ZNF514: variants seen among roughly 807,000 people sequenced by gnomAD.
ZNF514 encodes the protein zinc finger protein 514.
ZNF514 carries 12 observed loss-of-function variants against 9.7 expected under a neutral mutation model. The observed-to-expected ratio is 1.24, with a 90% confidence interval of 0.79 to 2.01. ZNF514 has a LOEUF of 2.01. Among genes scored for constraint, ZNF514 ranks in the 30% most tolerant of loss-of-function variants. The pLI, the probability that ZNF514 is intolerant of heterozygous loss-of-function variation, is 0.00. For synonymous variants in ZNF514, 158 were observed against 163.7 expected, an observed-to-expected ratio of 0.97 and a Z score of 0.27; for missense variants, 467 against 465.5, an observed-to-expected ratio of 1.00 and a Z score of -0.03.
intron 4 of ZNF514, 51 bp from the exon 5 acceptor site, chr2:95,150,318 C>A (rs759480021): frequency 1.1e-5 from 17 of 1,482,054 alleles, no homozygotes; most frequent in Non-Finnish European, 1.4e-5. Flanking sequence ...GTAGAATGTC[C>A]TATGTAGCAA....
rs1673436109 is a variant in ZNF514, at chr2:95,148,852, AAG to A, written c.*428_*429del. The A allele has an allele frequency of 6.2e-6, 1 of 161,630 alleles. No homozygotes were observed. The highest frequency in any genetic ancestry group is 2.4e-5 in the African/African-American group (1 of 41,618). 10.0% of individuals were successfully genotyped at this position (161,630 alleles called of 1,614,324 possible). A position where few individuals can be genotyped will look rare whatever the true frequency, so the allele number is the denominator to read the frequency against. On this transcript the variant is annotated 3_prime_UTR_variant, in exon 5 of 5. Coordinates refer to ENST00000295208, the MANE Select transcript of ZNF514 (RefSeq NM_032788.3). ...ATGTGTTCTTGATGCTTAGTAAAGGAAGAGATACAACTGAAGATTTTTCCATA... is the reference window on the plus strand; with the variant it reads ...ATGTGTTCTTGATGCTTAGTAAAGGAAGATACAACTGAAGATTTTTCCATA...
At chr2:95,125,295 T>A in the ZNF514 span, among the ~76,000 whole-genome samples, 2 of 149,320 alleles carry the variant, frequency 1.3e-5, no homozygotes, top group Admixed American at 6.7e-5. Flanking sequence ...GGCTGGAGTA[T>A]AGTGGCATGA....
At chr2:95,126,392 A>AAGAAAG in the ZNF514 span, among the ~76,000 whole-genome samples, 1 of 84,446 alleles carries the variant, frequency 1.2e-5, no homozygotes, top group African/African-American at 5.6e-5. Flanking sequence ...AAAAAAAAAA[A>AAGAAAG]AAAGAAAGAA....
chr2:95,125,361 C>T, the ZNF514 span, among the ~76,000 whole-genome samples: 3 of 152,022 alleles, frequency 2.0e-5, no homozygotes, highest in Admixed American at 2.0e-4. Context: ...CTGCCTCAGC[C>T]TCCTGAGTAG....
Position 95,150,010 on chromosome 2 carries a change from T to G in ZNF514, c.475A>C (p.Ser159Arg), listed in dbSNP as rs897916208. 2 of 1,614,232 alleles carry G rather than the reference T, an allele frequency of 1.2e-6. No individual in the cohort carries two copies. Among genetic ancestry groups the G allele is most frequent in the Non-Finnish European group, 1.7e-6 (2 of 1,180,040 alleles). ...ACAAGGACTGATCTTAAACCTAAGC[T>G]TCTCCCAAATCCATTCCATTTATAA... The part of the protein sequence containing the change: ...RDYKWNGFGR[S>R]LGLRSVLVNQ... The change falls in exon 5 of 5, where the codon AGC (serine) becomes CGC (arginine). Residue 159 changes from serine (S) to arginine (R), a missense_variant. Transcript: ENST00000295208.
Position 95,150,106 on chromosome 2 carries a change from G to T in ZNF514, c.379C>A (p.Gln127Lys), listed in dbSNP as rs1460174330. 4 of 1,612,548 alleles carry T rather than the reference G, an allele frequency of 2.5e-6. No individual in the cohort carries two copies. The South Asian group carries it at 4.4e-5, about 18-fold the overall frequency. The change falls in exon 5 of 5, where the codon CAG (glutamine) becomes AAG (lysine). Residue 127 changes from glutamine to lysine, a missense_variant. Physicochemically the swap from Gln to Lys is moderately conservative, Grantham distance 53 (BLOSUM62 1). Coordinates refer to ENST00000295208, the MANE Select transcript of ZNF514 (RefSeq NM_032788.3). ...TTCAGGTGTCTCTCCTGTTTTATCT[G>T]CTGCATCTCTAACTGGCCATCACAA... ...CGCDGQLEMQ[Q>K]IKQERHLKQM... is the part of the protein sequence containing the mutation.
chr2:95,157,119 C>T (rs1573382742), intron 2 of ZNF514, among the ~76,000 whole-genome samples: 1 of 152,110 alleles, frequency 6.6e-6, no homozygotes, highest in Non-Finnish European at 1.5e-5. Flanking sequence ...CACCACAGTG[C>T]CCTTTCTAGA....
chr2:95,128,321 T>C, the ZNF514 span, among the ~76,000 whole-genome samples: 3 of 141,652 alleles, frequency 2.1e-5, no homozygotes, highest in Non-Finnish European at 4.5e-5. Flanking sequence ...ACCTGGGAGG[T>C]GAAGGTTGCA....
intron 1 of ZNF514, 91 bp downstream of exon 1, chr2:95,159,149 C>G: frequency 1.6e-6 from 1 of 627,380 alleles, no homozygotes; most frequent in Non-Finnish European, 2.2e-6. Flanking sequence ...ACCTGCAGGG[C>G]CCAGAGCAGG....
At chr2:95,124,026 G>A in the ZNF514 span, among the ~76,000 whole-genome samples, 61 of 152,170 alleles carry the variant, frequency 4.0e-4, no homozygotes, top group Admixed American at 1.2e-3. Context: ...AGCTGACATC[G>A]GTACAATCCA....
At chr2:95,126,208 T>A in the ZNF514 span, among the ~76,000 whole-genome samples, 4 of 151,412 alleles carry the variant, frequency 2.6e-5, no homozygotes, top group African/African-American at 7.3e-5. Context: ...CCATCTCTAC[T>A]AAAAATACAA....
chr2:95,152,677 A>G lies in ZNF514; in HGVS notation c.214T>C (p.Ser72Pro), dbSNP rs774270492. ...VEREISTGAHSDWKRRSKSKE... is the reference protein window; with the variant it reads ...VEREISTGAHPDWKRRSKSKE... Reference sequence around the variant, plus strand: ...ATGCTTTCACTCACTCACTCACCTGAGTGGGCTCCTGTTGAGATTTCTCTC... The same window carrying G: ...ATGCTTTCACTCACTCACTCACCTGGGTGGGCTCCTGTTGAGATTTCTCTC... Residue 72 changes from serine to proline, a missense_variant, in exon 4 of 5, where the codon TCA becomes CCA. Physicochemically the swap from Ser to Pro is moderately conservative, Grantham distance 74 (BLOSUM62 -1). Coordinates refer to ENST00000295208, the MANE Select transcript of ZNF514 (RefSeq NM_032788.3). 1 of 1,613,922 alleles carries G rather than the reference A, an allele frequency of 6.2e-7. No individual in the cohort carries two copies. Among genetic ancestry groups the G allele is most frequent in the South Asian group, 1.1e-5 (1 of 91,068 alleles).
rs768568722 is a variant in ZNF514, at chr2:95,152,675, T to A, written c.216A>T (p.Ser72=). 4 of 1,613,920 alleles carry A rather than the reference T, an allele frequency of 2.5e-6. No homozygotes were observed. In the South Asian group the frequency reaches 4.4e-5, roughly 18 times the overall value. Residue 72 remains serine (S), a splice_region_variant and synonymous_variant, in exon 4 of 5, where the codon TCA becomes TCT. Transcript: ENST00000295208. ...VEREISTGAH[S]DWKRRSKSKE... is the part of the protein sequence containing the mutation. Reference sequence around the variant, plus strand: ...CAATGCTTTCACTCACTCACTCACCTGAGTGGGCTCCTGTTGAGATTTCTC... The same window carrying A: ...CAATGCTTTCACTCACTCACTCACCAGAGTGGGCTCCTGTTGAGATTTCTC...
the ZNF514 span, among the ~76,000 whole-genome samples, chr2:95,126,262 T>C: frequency 6.7e-6 from 1 of 149,316 alleles, no homozygotes; most frequent in African/African-American, 2.5e-5. Flanking sequence ...TCCCAGCTAC[T>C]CAGGAGGCTG....
the ZNF514 span, among the ~76,000 whole-genome samples, chr2:95,135,646 C>T: frequency 6.6e-6 from 1 of 151,858 alleles, no homozygotes; most frequent in Non-Finnish European, 1.5e-5. Context: ...GGTCTTGAAT[C>T]CCTGGGCTTA....
Position 95,148,633 on chromosome 2 carries a change from A to C in ZNF514, c.*649T>G, listed in dbSNP as rs1673430596. On this transcript the variant is annotated 3_prime_UTR_variant, in exon 5 of 5. Transcript: ENST00000295208. ...CACCAAAGCCCTTCCCACATTCATC[A>C]CGTCACCAGAGTTTCCAGCTAGTAG... 1 of 152,152 alleles carries C rather than the reference A, an allele frequency of 6.6e-6. No individual in the cohort carries two copies. 9.4% of individuals were successfully genotyped at this position (152,152 alleles called of 1,614,324 possible).
At position 95,152,658 on chromosome 2, in the gene ZNF514, T is replaced by C. The variant is rs1673574572; in HGVS notation, c.217+16A>G. The C allele has an allele frequency of 6.2e-7, 1 of 1,601,410 alleles. No individual in the cohort carries two copies. Among genetic ancestry groups the C allele is most frequent in the Admixed American group, 1.7e-5 (1 of 59,952 alleles). ...CTGGGCCTTATCATATGCAATGCTT[T>C]CACTCACTCACTCACCTGAGTGGGC... On this transcript the variant is annotated intron_variant, in intron 4 of 4. Transcript: ENST00000295208.
Position 95,152,706 on chromosome 2 carries a change from A to G in ZNF514, c.185T>C (p.Val62Ala). The G allele has an allele frequency of 1.9e-6, 3 of 1,614,112 alleles. No homozygotes were observed. Among genetic ancestry groups the G allele is most frequent in the Non-Finnish European group, 2.5e-6 (3 of 1,180,002 alleles). ...GGCTCCTGTTGAGATTTCTCTCTCCACCATGAAGGGCTCACCCCCTTCCTC... is the reference window on the plus strand; with the variant it reads ...GGCTCCTGTTGAGATTTCTCTCTCCGCCATGAAGGGCTCACCCCCTTCCTC... ...QLEEGGEPFM[V>A]EREISTGAHS... is the part of the protein sequence containing the mutation. Residue 62 changes from valine (V) to alanine (A), a missense_variant, in exon 4 of 5, where the codon GTG becomes GCG. By Grantham distance (64) the Val-to-Ala change is moderately conservative. Transcript: ENST00000295208.
At chr2:95,134,819 G>A in the ZNF514 span, among the ~76,000 whole-genome samples, 2 of 152,130 alleles carry the variant, frequency 1.3e-5, no homozygotes, top group African/African-American at 4.8e-5. Context: ...GGCTGTACAG[G>A]TGTCCCAGCA....
Sources: allele counts gnomAD v4.1 joint callset (sites outside exome capture counted in the v4.1 genomes callset), GRCh38; gene constraint gnomAD v4.1.1; transcripts MANE v1.5; gene names NCBI Gene and HGNC (gene_info 2026-07-23, HGNC 2026-07-21).